Variants in PLEKHG5 observed in about 807,000 individuals in gnomAD.
PLEKHG5 encodes pleckstrin homology domain-containing family G member 5.
Under a neutral mutation model 103.8 loss-of-function variants are expected in PLEKHG5, and 52 were observed. The observed-to-expected ratio is 0.50, with a 90% confidence interval of 0.40 to 0.63. The LOEUF is 0.63. Ranked by LOEUF, PLEKHG5 falls within the 30% of genes least tolerant of loss-of-function variation. The pLI is 0.00. For missense variants in PLEKHG5, 1,205 were observed against 1,347.6 expected, an observed-to-expected ratio of 0.89 and a Z score of 1.66; for synonymous variants, 592 against 575.5, an observed-to-expected ratio of 1.03 and a Z score of -0.41.
In PLEKHG5 at chr1:6,470,570, G is replaced by A. The variant is rs370515061; in HGVS notation, c.1616C>T (p.Ala539Val). The A allele has an allele frequency of 1.9e-4, 298 of 1,571,862 alleles. No homozygotes were observed. The highest frequency in any genetic ancestry group is 2.4e-4 in the Non-Finnish European group (283 of 1,167,476). Residue 539 changes from alanine to valine, a missense_variant, in exon 15 of 21, where the codon GCG becomes GTG. Ala to Val is a moderately conservative substitution (Grantham distance 64). Coordinates refer to ENST00000377728, the MANE Select transcript of PLEKHG5 (RefSeq NM_020631.6). ...MRQRQERQRL[A>V]AVVSRIDAYE... ...GGCGTCGATGCGGCTCACCACGGCC[G>A]CCAGCCGCTGCCGCTCCTGCCGCTG...
intron 5 of PLEKHG5, 55 bp downstream of exon 5, chr1:6,474,992 T>TG (rs1299426856): frequency 9.2e-7 from 1 of 1,083,496 alleles, no homozygotes; most frequent in African/African-American, 1.5e-5. Flanking sequence ...GCCTGCAACA[T>TG]GGGGCCACCC....
chr1:6,507,079 G>T (rs1348236904), intron 1 of PLEKHG5, among the ~76,000 whole-genome samples: 2 of 152,206 alleles, frequency 1.3e-5, no homozygotes, highest in Non-Finnish European at 2.9e-5. Context: ...AAAGCCACTG[G>T]TCAGTTGATT....
Position 6,469,908 on chromosome 1 carries a change from C to T in PLEKHG5, c.1801-232G>A, listed in dbSNP as rs143827462. Among the ~76,000 whole-genome samples, 593 of 152,376 alleles carry T rather than the reference C, an allele frequency of 3.9e-3. 5 individuals carry two copies. Among genetic ancestry groups the T allele is most frequent in the African/African-American group, 0.014 (563 of 41,594 alleles). On this transcript the variant is annotated intron_variant, in intron 16 of 20. Transcript: ENST00000377728. ...AAGAAGACTGGTGACTTTGAAGTCA[C>T]CGTGTGCAAGCTCTCAGCCTGCCCC... is the stretch of plus-strand genomic sequence containing the variant.
At chr1:6,516,862 A>ATGTGTGTGTG (rs372208282) in intron 1 of PLEKHG5, among the ~76,000 whole-genome samples, 7 of 24,296 alleles carry the variant, frequency 2.9e-4, no homozygotes, top group Non-Finnish European at 7.3e-4. Context: ...GTGTGTATAT[A>ATGTGTGTGTG]TGTGTATATA....
At chr1:6,497,265 G>T, upstream of PLEKHG5, 1 of 905,456 alleles carries the variant, frequency 1.1e-6, no homozygotes, top group Non-Finnish European at 1.7e-6. This position sits in a 1 kb window ranked among gnomAD's most constrained non-coding sequence, Gnocchi z 6.1. Context: ...GTTAGGAGCC[G>T]GCCCGGCCCC....
Position 6,518,186 on chromosome 1 carries a change from C to T in PLEKHG5, c.-165+1259G>A, listed in dbSNP as rs181275116. ...TGACCTTGTGATCCGCCCGCCTCAG[C>T]CTCCCAAAGTGCTGGGATTACAGGT... On this transcript the variant is annotated intron_variant, in intron 1 of 21. Transcript: ENST00000377740. Among the ~76,000 whole-genome samples, 259 of 152,072 alleles carry T rather than the reference C, an allele frequency of 1.7e-3. 6 individuals carry two copies. The East Asian group carries it at 0.048, about 28-fold the overall frequency.
intron 1 of PLEKHG5, among the ~76,000 whole-genome samples, chr1:6,506,501 G>A (rs367659837): frequency 2.6e-5 from 4 of 152,212 alleles, no homozygotes; most frequent in African/African-American, 9.6e-5. Flanking sequence ...CGATTGTTTC[G>A]TGGTCTCTTT....
intron 1 of PLEKHG5, among the ~76,000 whole-genome samples, chr1:6,478,226 C>T (rs1240340500): frequency 6.6e-6 from 1 of 152,038 alleles, no homozygotes; most frequent in Non-Finnish European, 1.5e-5. Context: ...ACAGGGAGTG[C>T]AGTGGCACAA....
At position 6,468,556 on chromosome 1, in the gene PLEKHG5, G is replaced by A. The variant is rs2148576793; in HGVS notation, c.2280C>T (p.Ala760=). 3 of 1,613,024 alleles carry A rather than the reference G, an allele frequency of 1.9e-6. No individual in the cohort carries two copies. The highest frequency in any genetic ancestry group is 2.5e-6 in the Non-Finnish European group (3 of 1,179,986). Residue 760 remains alanine, a synonymous_variant, in exon 20 of 21, where the codon GCC becomes GCT. Transcript: ENST00000377728. ...CASDGSTETL[A]MVVVEPGDTL... The stretch of plus-strand genomic sequence containing the variant: ...TGTCCCCAGGCTCTACCACAACCAT[G>A]GCCAGGGTCTCCGTGGAGCCATCTG...
At position 6,468,314 on chromosome 1, in the gene PLEKHG5, G is replaced by A. The variant is rs1220017644; in HGVS notation, c.2522C>T (p.Pro841Leu). The change falls in exon 20 of 21, where the codon CCT (proline) becomes CTT (leucine). Residue 841 changes from proline to leucine, a missense_variant. By Grantham distance (98) the Pro-to-Leu change is moderately conservative. Transcript: ENST00000377728. Reference sequence around the variant, plus strand: ...AACTCGTGGGGACTCTGGGGCCCGAGGCACTAGCTCTGCCATTGGGCCTGG... The same window carrying A: ...AACTCGTGGGGACTCTGGGGCCCGAAGCACTAGCTCTGCCATTGGGCCTGG... Reference protein sequence around the residue: ...VAPGPMAELVPRAPESPRVPS... With the variant: ...VAPGPMAELVLRAPESPRVPS... 1 of 1,609,824 alleles carries A rather than the reference G, an allele frequency of 6.2e-7. No individual in the cohort carries two copies. The highest frequency in any genetic ancestry group is 8.5e-7 in the Non-Finnish European group (1 of 1,178,582).
At chr1:6,506,743 G>GC (rs1638335558) in intron 1 of PLEKHG5, among the ~76,000 whole-genome samples, 1 of 152,172 alleles carries the variant, frequency 6.6e-6, no homozygotes, top group African/African-American at 2.4e-5. Flanking sequence ...CTGAGCCGAG[G>GC]CCCCCAGAGG....
rs72861536 is a variant in PLEKHG5 at position 6,486,329 on chromosome 1, C to T, written c.-88+5308G>A. Reference sequence around the variant, plus strand: ...CTGCTCCAACACCAGCTTTGAGCCCCAGTCACACACCCACCCCAACCTCAC... The same window carrying T: ...CTGCTCCAACACCAGCTTTGAGCCCTAGTCACACACCCACCCCAACCTCAC... On this transcript the variant is annotated intron_variant, in intron 1 of 20. Transcript: ENST00000377728. This position sits in a 1 kb window ranked among gnomAD's most constrained non-coding sequence, Gnocchi z 5.3. Among the ~76,000 whole-genome samples, 17,386 of 152,090 alleles carry T rather than the reference C, an allele frequency of 0.11. 1,371 individuals are homozygous for T. The highest frequency in any genetic ancestry group is 0.27 in the East Asian group (1,369 of 5,128).
upstream of PLEKHG5, chr1:6,497,172 T>C (rs1645239055): frequency 5.6e-6 from 5 of 896,318 alleles, no homozygotes; most frequent in African/African-American, 3.3e-5. The surrounding 1 kb of genome is among the most constrained non-coding windows in gnomAD (Gnocchi z 6.1). Context: ...AGGCCCCGAC[T>C]TGGGGGCCGA....
At chr1:6,467,667 C>T in intron 20 of PLEKHG5, 95 bp from the exon 21 acceptor site, 1 of 1,479,754 alleles carries the variant, frequency 6.8e-7, no homozygotes. Flanking sequence ...CCTCAGGCCC[C>T]TTCACTGCTG....
At chr1:6,485,328 C>G (rs967222719) in intron 1 of PLEKHG5, 2 of 1,425,504 alleles carry the variant, frequency 1.4e-6, no homozygotes, top group Non-Finnish European at 1.8e-6. Flanking sequence ...CCGTACCTGG[C>G]TATCACCGTC....
chr1:6,519,467 C>A (rs1302149663), exon 1 of PLEKHG5: 1 of 1,613,786 alleles, frequency 6.2e-7, no homozygotes, highest in Non-Finnish European at 8.5e-7. Context: ...AAAGGCTGAG[C>A]CAGCTTCGAG....
intron 1 of PLEKHG5, among the ~76,000 whole-genome samples, chr1:6,514,316 A>G (rs1638554957): frequency 1.3e-5 from 2 of 152,064 alleles, no homozygotes; most frequent in African/African-American, 4.8e-5. Context: ...TTAGCTGGGC[A>G]TGGTGGTATG....
intron 1 of PLEKHG5, among the ~76,000 whole-genome samples, chr1:6,508,996 C>T (rs1638403668): frequency 1.3e-5 from 2 of 152,224 alleles, no homozygotes; most frequent in Non-Finnish European, 2.9e-5. Context: ...TAGCGCCTCT[C>T]GAAGTCACTG....
intron 1 of PLEKHG5, among the ~76,000 whole-genome samples, chr1:6,516,905 T>TAC (rs965278417): frequency 3.2e-4 from 3 of 9,254 alleles, no homozygotes; most frequent in African/African-American, 5.5e-4. Flanking sequence ...TATATATATA[T>TAC]ACACACACAC....
Sources: gnomAD v4.1 joint callset for allele counts (sites outside exome capture counted in the v4.1 genomes callset) on GRCh38, gnomAD v4.1.1 for gene constraint, Gnocchi (gnomAD v3.1) non-coding constraint, MANE v1.5 for transcripts, NCBI Gene and HGNC (gene_info 2026-07-23, HGNC 2026-07-21) for gene names.